TYR: variants seen among roughly 807,000 people sequenced by gnomAD.
The protein encoded by TYR is LB24-AB.
Under a neutral mutation model 51.5 loss-of-function variants are expected in TYR, and 58 were observed. The ratio of observed to expected loss-of-function variants is 1.13; its 90% CI spans 0.91 to 1.40. The LOEUF is 1.40. Ranked by LOEUF, TYR falls within the 40% of genes most tolerant of loss-of-function variation. The pLI, the probability that TYR is intolerant of heterozygous loss-of-function variation, is 0.00. For synonymous variants in TYR, 263 were observed against 235.2 expected (o/e 1.12, Z -1.08); for missense variants, 732 against 647.4 (o/e 1.13, Z -1.42).
At chr11:89,242,343 G>A (rs569523284) in intron 3 of TYR, among the ~76,000 whole-genome samples, 7 of 151,828 alleles carry the variant, frequency 4.6e-5, no homozygotes, top group South Asian at 2.1e-4. Flanking sequence ...GAGCAGCTGG[G>A]ATTACAGGCA....
At position 89,221,721 on chromosome 11, in the gene TYR, A is replaced by C. The variant is rs538136371; in HGVS notation, c.1037-6102A>C. Among the ~76,000 whole-genome samples the C allele has an allele frequency of 7.2e-5, 11 of 152,318 alleles. No homozygotes were observed. In the South Asian group the frequency reaches 2.3e-3, roughly 32 times the overall value. Reference sequence around the variant, plus strand: ...GTGGGTCTTAAGTCACTTTTTAAAAAATCTTCAGATGCACTAATGTACATT... The same window carrying C: ...GTGGGTCTTAAGTCACTTTTTAAAACATCTTCAGATGCACTAATGTACATT... On this transcript the variant is annotated intron_variant, in intron 2 of 4. Coordinates refer to ENST00000263321, the MANE Select transcript of TYR (RefSeq NM_000372.5).
chr11:89,294,461 T>A (rs1192732909), intron 4 of TYR, among the ~76,000 whole-genome samples: 1 of 152,104 alleles, frequency 6.6e-6, no homozygotes, highest in Admixed American at 6.5e-5. Context: ...GCCCCTGCCC[T>A]CCAGCAGGGA....
At position 89,237,998 on chromosome 11, in the gene TYR, G is replaced by T. The variant is rs545208708; in HGVS notation, c.1184+10028G>T. Among the ~76,000 whole-genome samples the T allele has an allele frequency of 7.2e-5, 11 of 151,878 alleles. No homozygotes were observed. The East Asian group carries it at 2.1e-3, about 30-fold the overall frequency. Reference sequence around the variant, plus strand: ...TTACAGGCACACACCACCATATCTGGCTAATTTTTGTATTTTTAGTAGAAA... The same window carrying T: ...TTACAGGCACACACCACCATATCTGTCTAATTTTTGTATTTTTAGTAGAAA... On this transcript the variant is annotated intron_variant, in intron 3 of 4. Coordinates refer to ENST00000263321, the MANE Select transcript of TYR (RefSeq NM_000372.5).
chr11:89,215,637 A>T (rs957301021), intron 2 of TYR, among the ~76,000 whole-genome samples: 5 of 152,108 alleles, frequency 3.3e-5, no homozygotes, highest in Non-Finnish European at 7.4e-5. Flanking sequence ...TTAACTTAAA[A>T]TTTTTTATAG....
intron 1 of TYR, among the ~76,000 whole-genome samples, chr11:89,188,434 T>G (rs1202197211): frequency 6.6e-6 from 1 of 152,062 alleles, no homozygotes; most frequent in African/African-American, 2.4e-5. Context: ...TAGAAGGTGC[T>G]AAGTGCACAG....
intron 3 of TYR, among the ~76,000 whole-genome samples, chr11:89,250,835 T>C (rs1944323788): frequency 6.6e-6 from 1 of 151,948 alleles, no homozygotes; most frequent in African/African-American, 2.4e-5. Flanking sequence ...CATACAAATG[T>C]TGCAGGGAAG....
At chr11:89,227,780 C>A in intron 2 of TYR, 43 bp from the exon 3 acceptor site, 5 of 1,556,378 alleles carry the variant, frequency 3.2e-6, no homozygotes, top group South Asian at 1.1e-5. Flanking sequence ...GGTTTTCAGT[C>A]ATTAAAGTAA....
chr11:89,269,403 A>G (rs993872342), intron 3 of TYR, among the ~76,000 whole-genome samples: 2 of 151,912 alleles, frequency 1.3e-5, no homozygotes, highest in African/African-American at 4.8e-5. Context: ...AGTGTATCTC[A>G]ATCCTGGATG....
At chr11:89,253,953 T>G (rs1013307205) in intron 3 of TYR, among the ~76,000 whole-genome samples, 1 of 151,798 alleles carries the variant, frequency 6.6e-6, no homozygotes, top group African/African-American at 2.4e-5. Flanking sequence ...TTATATTGAC[T>G]GTGGGCTTGT....
chr11:89,271,660 T>G (rs975770701), intron 3 of TYR, among the ~76,000 whole-genome samples: 1 of 151,894 alleles, frequency 6.6e-6, no homozygotes, highest in African/African-American at 2.4e-5. Context: ...TTTGCTACAT[T>G]GATTGACTCT....
At chr11:89,275,355 T>C (rs1944641648) in intron 3 of TYR, among the ~76,000 whole-genome samples, 1 of 151,894 alleles carries the variant, frequency 6.6e-6, no homozygotes, top group East Asian at 1.9e-4. Flanking sequence ...TTCTTGCATG[T>C]TAGTGGAAAA....
chr11:89,244,290 A>T (rs1944236863), intron 3 of TYR, among the ~76,000 whole-genome samples: 1 of 151,716 alleles, frequency 6.6e-6, no homozygotes, highest in Non-Finnish European at 1.5e-5. Context: ...TCATAGATTG[A>T]TTCAATAAAG....
chr11:89,293,514 T>C (rs1003874896), intron 4 of TYR, among the ~76,000 whole-genome samples: 13 of 152,038 alleles, frequency 8.6e-5, no homozygotes, highest in Non-Finnish European at 1.6e-4. Flanking sequence ...GAATAAGATA[T>C]CAAATGTTCT....
chr11:89,220,623 G>T (rs1170559431), intron 2 of TYR, among the ~76,000 whole-genome samples: 2 of 152,010 alleles, frequency 1.3e-5, no homozygotes, highest in Non-Finnish European at 2.9e-5. Context: ...CGGGCGTGGC[G>T]GGTGCCTGTA....
At chr11:89,202,400 G>A (rs955576920) in intron 2 of TYR, among the ~76,000 whole-genome samples, 1 of 151,648 alleles carries the variant, frequency 6.6e-6, no homozygotes, top group African/African-American at 2.4e-5. Context: ...ACACTGTTGA[G>A]CTATGAAAAT....
chr11:89,184,877 G>T (rs1257890260), intron 1 of TYR, among the ~76,000 whole-genome samples: 1 of 152,102 alleles, frequency 6.6e-6, no homozygotes, highest in Non-Finnish European at 1.5e-5. Context: ...ATTAAGAGTA[G>T]GTTCTCTAAG....
chr11:89,199,406 G>T (rs907231236), intron 2 of TYR, among the ~76,000 whole-genome samples: 2 of 152,166 alleles, frequency 1.3e-5, no homozygotes, highest in Non-Finnish European at 2.9e-5. Flanking sequence ...TGTAAGCCTT[G>T]TGTCATCTTC....
intron 3 of TYR, among the ~76,000 whole-genome samples, chr11:89,229,947 T>C (rs916742640): frequency 1.3e-5 from 2 of 152,042 alleles, no homozygotes; most frequent in African/African-American, 4.8e-5. Flanking sequence ...AAAATTAATG[T>C]CGTTAAAATT....
intron 2 of TYR, among the ~76,000 whole-genome samples, chr11:89,217,557 G>GTTTATTT (rs1943848427): frequency 6.6e-6 from 1 of 152,150 alleles, no homozygotes; most frequent in Non-Finnish European, 1.5e-5. Context: ...CTTATTCACA[G>GTTTATTT]GGCCACATAT....
Sources: gnomAD v4.1 joint callset for allele counts (sites outside exome capture counted in the v4.1 genomes callset) on GRCh38, gnomAD v4.1.1 for gene constraint, MANE v1.5 for transcripts, NCBI Gene and HGNC (gene_info 2026-07-23, HGNC 2026-07-21) for gene names.